DRC11: variants seen among roughly 807,000 people sequenced by gnomAD.
DRC11 encodes the protein IQ and AAA domain-containing protein 1.
the DRC11 span, chr2:236,331,393 T>C: frequency 1.2e-6 from 2 of 1,613,916 alleles, no homozygotes; most frequent in South Asian, 1.1e-5. The surrounding 1 kb of genome is among the most constrained non-coding windows in gnomAD (Gnocchi z 4.8). Context: ...GTACACTGGA[T>C]TCATGCTGGT....
At chr2:236,404,294 T>A in the DRC11 span, among the ~76,000 whole-genome samples, 3 of 152,144 alleles carry the variant, frequency 2.0e-5, no homozygotes, top group Middle Eastern at 6.8e-3. Flanking sequence ...TGTGTGGATA[T>A]TGGGAGTCGT....
chr2:236,357,541 T>C, the DRC11 span, among the ~76,000 whole-genome samples: 4 of 127,426 alleles, frequency 3.1e-5, no homozygotes, highest in Non-Finnish European at 6.2e-5. Flanking sequence ...GAATATAATT[T>C]ATATATTATT....
At chr2:236,364,819 G>A in the DRC11 span, among the ~76,000 whole-genome samples, 2 of 152,156 alleles carry the variant, frequency 1.3e-5, no homozygotes, top group South Asian at 4.2e-4. Context: ...GTAAATGTCA[G>A]TATGATGATT....
the DRC11 span, among the ~76,000 whole-genome samples, chr2:236,456,080 GA>G: frequency 6.6e-6 from 1 of 152,112 alleles, no homozygotes; most frequent in South Asian, 2.1e-4. This position sits in a 1 kb window ranked among gnomAD's most constrained non-coding sequence, Gnocchi z 5.4. Context: ...CCAGACTCCA[GA>G]ATAAAAATAT....
chr2:236,375,550 T>A, the DRC11 span, among the ~76,000 whole-genome samples: 1 of 152,166 alleles, frequency 6.6e-6, no homozygotes, highest in Non-Finnish European at 1.5e-5. The surrounding 1 kb of genome is among the most constrained non-coding windows in gnomAD (Gnocchi z 4.2). Context: ...CATATCTTAA[T>A]AAATATTCCA....
the DRC11 span, among the ~76,000 whole-genome samples, chr2:236,494,715 G>T: frequency 6.6e-6 from 1 of 152,128 alleles, no homozygotes; most frequent in Admixed American, 6.6e-5. The surrounding 1 kb of genome is among the most constrained non-coding windows in gnomAD (Gnocchi z 4.2). Flanking sequence ...ATTTTGGATA[G>T]GCCTTCCCCT....
the DRC11 span, among the ~76,000 whole-genome samples, chr2:236,469,126 C>T: frequency 6.6e-6 from 1 of 152,162 alleles, no homozygotes; most frequent in Non-Finnish European, 1.5e-5. The surrounding 1 kb of genome is among the most constrained non-coding windows in gnomAD (Gnocchi z 5.8). Context: ...CCTGATAGCC[C>T]CTTGGCATGG....
chr2:236,356,969 T>TTA, the DRC11 span, among the ~76,000 whole-genome samples: 7,207 of 88,870 alleles, frequency 0.081, 1,089 homozygotes, highest in African/African-American at 0.14. Flanking sequence ...AATATATATA[T>TTA]TATATATTCA....
At chr2:236,327,801 G>C in the DRC11 span, among the ~76,000 whole-genome samples, 2 of 152,154 alleles carry the variant, frequency 1.3e-5, no homozygotes, top group African/African-American at 4.8e-5. Context: ...TCCTGCCTCA[G>C]CCTCCGGAGT....
chr2:236,387,791 T>C, the DRC11 span, among the ~76,000 whole-genome samples: 2 of 152,186 alleles, frequency 1.3e-5, no homozygotes, highest in Non-Finnish European at 2.9e-5. Flanking sequence ...GATTTTGCAG[T>C]GGCTGGTACC....
At chr2:236,426,130 C>T in the DRC11 span, among the ~76,000 whole-genome samples, 1 of 151,854 alleles carries the variant, frequency 6.6e-6, no homozygotes, top group African/African-American at 2.4e-5. This position sits in a 1 kb window ranked among gnomAD's most constrained non-coding sequence, Gnocchi z 4.1. Flanking sequence ...TTTTGTGGTT[C>T]CATATAAATT....
the DRC11 span, among the ~76,000 whole-genome samples, chr2:236,499,756 C>G: frequency 2.0e-5 from 3 of 152,170 alleles, no homozygotes; most frequent in Non-Finnish European, 4.4e-5. This position sits in a 1 kb window ranked among gnomAD's most constrained non-coding sequence, Gnocchi z 4.7. Context: ...TATCTCTTGT[C>G]AAATGTTTTC....
At chr2:236,346,787 A>C in the DRC11 span, 1 of 167,740 alleles carries the variant, frequency 6.0e-6, no homozygotes, top group Non-Finnish European at 1.5e-5. Flanking sequence ...GCAGTCTCCC[A>C]ATAAACAGAA....
the DRC11 span, among the ~76,000 whole-genome samples, chr2:236,481,576 T>G: frequency 6.6e-6 from 1 of 152,164 alleles, no homozygotes; most frequent in Non-Finnish European, 1.5e-5. Flanking sequence ...TGAAGCCAGG[T>G]TGCTTCTATT....
At chr2:236,420,782 C>T in the DRC11 span, among the ~76,000 whole-genome samples, 2 of 152,148 alleles carry the variant, frequency 1.3e-5, no homozygotes, top group Non-Finnish European at 1.5e-5. This position sits in a 1 kb window ranked among gnomAD's most constrained non-coding sequence, Gnocchi z 4.8. Flanking sequence ...TGCCCTCCAG[C>T]CTGGGTGACA....
chr2:236,452,040 C>T, the DRC11 span, among the ~76,000 whole-genome samples: 4 of 152,030 alleles, frequency 2.6e-5, no homozygotes, highest in African/African-American at 9.7e-5. This position sits in a 1 kb window ranked among gnomAD's most constrained non-coding sequence, Gnocchi z 4.7. Context: ...TAATTTATTC[C>T]ATGATTAATG....
At chr2:236,355,749 CTG>C in the DRC11 span, among the ~76,000 whole-genome samples, 132 of 107,810 alleles carry the variant, frequency 1.2e-3, no homozygotes, top group African/African-American at 3.9e-3. Flanking sequence ...CTCTCTCTCT[CTG>C]TGTGTGTGTG....
At chr2:236,350,430 T>C in the DRC11 span, among the ~76,000 whole-genome samples, 1 of 152,340 alleles carries the variant, frequency 6.6e-6, no homozygotes, top group Non-Finnish European at 1.5e-5. This position sits in a 1 kb window ranked among gnomAD's most constrained non-coding sequence, Gnocchi z 5.2. Context: ...CCCAAGAGTG[T>C]TCTCAGATGA....
chr2:236,335,023 T>C, the DRC11 span, among the ~76,000 whole-genome samples: 1 of 152,118 alleles, frequency 6.6e-6, no homozygotes, highest in East Asian at 1.9e-4. The surrounding 1 kb of genome is among the most constrained non-coding windows in gnomAD (Gnocchi z 5.6). Flanking sequence ...GAAGGAGAGA[T>C]TGAATGATGT....
Sources: allele counts gnomAD v4.1 joint callset (sites outside exome capture counted in the v4.1 genomes callset), GRCh38; gene constraint gnomAD v4.1.1; non-coding constraint Gnocchi (gnomAD v3.1); transcripts MANE v1.5; gene names NCBI Gene and HGNC (gene_info 2026-07-23, HGNC 2026-07-21).